SMYD3: variants seen among roughly 807,000 people sequenced by gnomAD.
SMYD3 encodes the protein SET and MYND domain containing 3.
Under a neutral mutation model 57.7 loss-of-function variants are expected in SMYD3, and 36 were observed. The observed-to-expected ratio is 0.62, with a 90% CI of 0.48 to 0.82. The LOEUF is 0.82. Among genes scored for constraint, SMYD3 ranks in the 40% least tolerant of loss-of-function variants. The pLI is 0.00. For missense variants in SMYD3, 515 were observed against 538.8 expected, an observed-to-expected ratio of 0.96 and a Z score of 0.44; for synonymous variants, 211 against 195.0, an observed-to-expected ratio of 1.08 and a Z score of -0.68.
chr1:245,981,535 A>G (rs1456287446), intron 5 of SMYD3, among the ~76,000 whole-genome samples: 3 of 152,240 alleles, frequency 2.0e-5, no homozygotes, highest in African/African-American at 7.2e-5. Context: ...TTTAAATTTA[A>G]AGGTTCCCTT....
intron 5 of SMYD3, among the ~76,000 whole-genome samples, chr1:246,156,463 A>G (rs1400383156): frequency 6.6e-6 from 1 of 152,228 alleles, no homozygotes; most frequent in African/African-American, 2.4e-5. Flanking sequence ...GAAGGTAAGA[A>G]CATATTTTCC....
chr1:245,903,331 C>G (rs1232535987), intron 8 of SMYD3, among the ~76,000 whole-genome samples: 1 of 152,152 alleles, frequency 6.6e-6, no homozygotes, highest in Non-Finnish European at 1.5e-5. Flanking sequence ...GCCTAAGTGA[C>G]ATATCGGACA....
At chr1:246,292,496 T>A (rs565389755) in intron 5 of SMYD3, among the ~76,000 whole-genome samples, 2 of 152,384 alleles carry the variant, frequency 1.3e-5, no homozygotes, top group East Asian at 3.9e-4. Flanking sequence ...TACCTTAGAC[T>A]TACTATCCAA....
At chr1:246,485,698 A>G (rs1439640005) in intron 1 of SMYD3, among the ~76,000 whole-genome samples, 1 of 152,078 alleles carries the variant, frequency 6.6e-6, no homozygotes, top group Non-Finnish European at 1.5e-5. Flanking sequence ...GCTGAGGTGG[A>G]AAGATTGCTT....
At chr1:246,101,298 T>A (rs1386688144) in intron 5 of SMYD3, among the ~76,000 whole-genome samples, 1 of 152,140 alleles carries the variant, frequency 6.6e-6, no homozygotes, top group Non-Finnish European at 1.5e-5. Flanking sequence ...TATAAAAGTA[T>A]CACATTCATG....
chr1:245,867,893 T>C (rs904124999), intron 8 of SMYD3, among the ~76,000 whole-genome samples: 6 of 152,248 alleles, frequency 3.9e-5, no homozygotes, highest in African/African-American at 1.4e-4. Context: ...CGTGCCTGAA[T>C]GTTCCAGGAA....
intron 10 of SMYD3, among the ~76,000 whole-genome samples, chr1:245,842,553 C>T (rs77725931): frequency 2.6e-5 from 4 of 152,022 alleles, no homozygotes; most frequent in East Asian, 1.9e-4. Flanking sequence ...AACAGCAAGC[C>T]GACTTTGATA....
intron 1 of SMYD3, among the ~76,000 whole-genome samples, chr1:246,505,440 G>A (rs7522329): frequency 0.24 from 36,253 of 151,884 alleles, 4,506 homozygotes; most frequent in Middle Eastern, 0.31. Context: ...AGCAGCAGCA[G>A]CAGCAGCACC....
chr1:246,132,388 A>G (rs1458472327), intron 5 of SMYD3, among the ~76,000 whole-genome samples: 1 of 152,170 alleles, frequency 6.6e-6, no homozygotes, highest in Non-Finnish European at 1.5e-5. Flanking sequence ...TGCTAAGACC[A>G]TTCAATGGAG....
At chr1:245,834,097 G>C (rs976154632) in intron 10 of SMYD3, among the ~76,000 whole-genome samples, 2 of 152,156 alleles carry the variant, frequency 1.3e-5, no homozygotes, top group Admixed American at 1.3e-4. Context: ...TTCTTCACCT[G>C]AACCTATGAA....
chr1:245,952,265 C>T (rs954531025), intron 5 of SMYD3, among the ~76,000 whole-genome samples: 11 of 151,660 alleles, frequency 7.3e-5, no homozygotes, highest in South Asian at 4.2e-4. Context: ...AAAGCTGAAA[C>T]GTAAGGATCA....
At chr1:246,497,099 AG>A in intron 1 of SMYD3, among the ~76,000 whole-genome samples, 1 of 152,196 alleles carries the variant, frequency 6.6e-6, no homozygotes, top group Non-Finnish European at 1.5e-5. Flanking sequence ...GTCAAAAACT[AG>A]GGGAAAAACT....
chr1:246,230,223 C>A (rs75116794), intron 5 of SMYD3, among the ~76,000 whole-genome samples: 9,011 of 152,172 alleles, frequency 0.059, 436 homozygotes, highest in African/African-American at 0.12. Flanking sequence ...TTTACAATTG[C>A]TCCAAGTGAT....
intron 5 of SMYD3, among the ~76,000 whole-genome samples, chr1:245,974,095 T>C (rs1433751244): frequency 6.6e-6 from 1 of 152,096 alleles, no homozygotes; most frequent in Non-Finnish European, 1.5e-5. Context: ...CCACTATCTG[T>C]TCAGGCACCC....
intron 5 of SMYD3, chr1:246,052,532 G>T (rs1033313033): frequency 5.3e-5 from 8 of 152,188 alleles, no homozygotes; most frequent in Non-Finnish European, 8.8e-5. Context: ...AATTAAAGAC[G>T]AATCTATTCA....
intron 3 of SMYD3, among the ~76,000 whole-genome samples, chr1:246,334,898 T>C (rs1238448518): frequency 3.3e-5 from 5 of 152,172 alleles, no homozygotes; most frequent in Non-Finnish European, 7.3e-5. Flanking sequence ...GTGAAGAAGC[T>C]GTGAGGCATC....
At chr1:246,323,284 A>G (rs554996730) in intron 5 of SMYD3, among the ~76,000 whole-genome samples, 3 of 152,204 alleles carry the variant, frequency 2.0e-5, no homozygotes, top group Non-Finnish European at 4.4e-5. Flanking sequence ...CACTGGTGCT[A>G]AGAGTCAGAG....
At chr1:245,896,397 A>AAAAAC (rs1382689394) in intron 8 of SMYD3, among the ~76,000 whole-genome samples, 1 of 151,178 alleles carries the variant, frequency 6.6e-6, no homozygotes, top group Non-Finnish European at 1.5e-5. Flanking sequence ...GTCAAAAAAA[A>AAAAAC]AAAAAAAAAC....
At chr1:245,938,517 T>A (rs2057075836) in intron 5 of SMYD3, among the ~76,000 whole-genome samples, 1 of 152,190 alleles carries the variant, frequency 6.6e-6, no homozygotes, top group African/African-American at 2.4e-5. Flanking sequence ...CCTCTTTTGA[T>A]CTCTCCAGGT....
Sources: gnomAD v4.1 joint callset for allele counts (sites outside exome capture counted in the v4.1 genomes callset) on GRCh38, gnomAD v4.1.1 for gene constraint, MANE v1.5 for transcripts, NCBI Gene and HGNC (gene_info 2026-07-23, HGNC 2026-07-21) for gene names.